The following GAB1 variants were observed in gnomAD, a reference collection of about 807,000 sequenced individuals.
The protein encoded by GAB1 is GRB2 associated binding protein 1, also known as GRB2-associated-binding protein 1.
A neutral mutation model predicts 66.5 loss-of-function variants in GAB1; 19 were observed. The observed-to-expected ratio is 0.29, with a 90% CI of 0.20 to 0.42. The LOEUF is 0.42. Ranked by LOEUF, GAB1 falls within the 10% of genes least tolerant of loss-of-function variation. The probability of loss-of-function intolerance (pLI) is 1.00; values close to 1 mark genes in which losing one functional copy is unlikely to be tolerated. For synonymous variants in GAB1, 294 were observed against 301.4 expected, an observed-to-expected ratio of 0.98 and a Z score of 0.25; for missense variants, 732 against 858.5, an observed-to-expected ratio of 0.85 and a Z score of 1.84.
At chr4:143,349,385 C>T in intron 1 of GAB1, 3 of 1,041,062 alleles carry the variant, frequency 2.9e-6, no homozygotes, top group Non-Finnish European at 4.5e-6. Context: ...AATACAGTCT[C>T]TTTCCAGAGG....
At chr4:143,354,023 G>C (rs370540717) in intron 1 of GAB1, among the ~76,000 whole-genome samples, 2 of 152,172 alleles carry the variant, frequency 1.3e-5, no homozygotes, top group East Asian at 1.9e-4. Context: ...AGTAAGTTTA[G>C]TTAGTAGATC....
rs1007770198 is a variant in GAB1 at position 143,392,701 on chromosome 4, A to G, written c.73-22776A>G. Reference sequence around the variant, plus strand: ...TAGTTTCTGACATTGAAGATAATGAATATTTTGATAATGCAACAACGAATT... The same window carrying G: ...TAGTTTCTGACATTGAAGATAATGAGTATTTTGATAATGCAACAACGAATT... On this transcript the variant is annotated intron_variant, in intron 1 of 9. Coordinates refer to ENST00000262994, the MANE Select transcript of GAB1 (RefSeq NM_002039.4). 5.3e-5 allele frequency among the ~76,000 whole-genome samples: 8 copies of G among 152,270 alleles called. No homozygotes were observed. The East Asian group carries it at 7.7e-4, about 15-fold the overall frequency.
At chr4:143,380,272 T>G (rs572160532) in intron 1 of GAB1, among the ~76,000 whole-genome samples, 37 of 152,224 alleles carry the variant, frequency 2.4e-4, no homozygotes, top group Non-Finnish European at 4.4e-4. Context: ...ATTTTGAATC[T>G]CTAGTGCTCT....
At chr4:143,424,097 A>T (rs975001612) in intron 2 of GAB1, among the ~76,000 whole-genome samples, 6 of 152,028 alleles carry the variant, frequency 3.9e-5, no homozygotes, top group African/African-American at 7.2e-5. Flanking sequence ...CATGAAGTTT[A>T]AAAAAAGTGT....
chr4:143,373,868 A>ATATATATATATATATATATATATATATAT lies in GAB1; in HGVS notation c.72+36608_72+36609insTATATATATATATATATATATATATATAT, dbSNP rs1560725949. On this transcript the variant is annotated intron_variant, in intron 1 of 9. Transcript: ENST00000262994. Reference sequence around the variant, plus strand: ...CTCTCTCTCTCTCTGTAAATAAATAAATATATATATATATATATTTTTACC... The same window carrying ATATATATATATATATATATATATATATAT: ...CTCTCTCTCTCTCTGTAAATAAATAATATATATATATATATATATATATATATATATATATATATATATATATTTTTACC... Among the ~76,000 whole-genome samples the ATATATATATATATATATATATATATATAT allele has an allele frequency of 2.8e-3, 258 of 93,550 alleles. 22 individuals are homozygous for ATATATATATATATATATATATATATATAT. The highest frequency in any genetic ancestry group is 5.3e-3 in the South Asian group (12 of 2,244). 61.4% of individuals were successfully genotyped at this position (93,550 alleles called of 152,430 possible).
At chr4:143,395,611 A>G in intron 1 of GAB1, 1 of 262,180 alleles carries the variant, frequency 3.8e-6, no homozygotes, top group Non-Finnish European at 7.5e-6. Context: ...CTGGAAATTA[A>G]AGACCTTTAG....
At position 143,472,933 on chromosome 4, in the gene GAB1, A is replaced by G. The variant is rs189663765; in HGVS notation, c.*3744A>G. 45 of 152,346 alleles carry G rather than the reference A, an allele frequency of 3.0e-4. No homozygotes were observed. The highest frequency in any genetic ancestry group is 1.1e-3 in the African/African-American group (45 of 41,582). The allele number at this position is 152,346 out of a possible 1,614,324, so 9.4% of individuals were successfully genotyped here. On this transcript the variant is annotated 3_prime_UTR_variant, in exon 10 of 10. Transcript: ENST00000262994. ...GGTATAAATGAATATTGTGGACATC[A>G]TGGACTTGATATGATAGAAATCAAT...
Position 143,407,476 on chromosome 4 carries a change from T to G in GAB1, c.73-8001T>G, listed in dbSNP as rs191533555. Among the ~76,000 whole-genome samples, 585 of 152,344 alleles carry G rather than the reference T, an allele frequency of 3.8e-3. 6 individuals carry two copies. Among genetic ancestry groups the G allele is most frequent in the Middle Eastern group, 0.024 (7 of 294 alleles). On this transcript the variant is annotated intron_variant, in intron 1 of 9. Transcript: ENST00000262994. ...ATTGTTTTATTTCCAACTAATTTGT[T>G]GTATCCAGGCAATGTACGTAAACTC...
chr4:143,370,596 C>A (rs922137128), intron 1 of GAB1, among the ~76,000 whole-genome samples: 1 of 152,170 alleles, frequency 6.6e-6, no homozygotes, highest in African/African-American at 2.4e-5. Flanking sequence ...ATGTGCACAA[C>A]GTGCAAGTTT....
intron 1 of GAB1, among the ~76,000 whole-genome samples, chr4:143,382,309 A>G (rs185935542): frequency 6.6e-6 from 1 of 152,362 alleles, no homozygotes; most frequent in African/African-American, 2.4e-5. Context: ...GATATATTCT[A>G]AAACATTTAG....
At chr4:143,426,186 A>G (rs1733346495) in intron 2 of GAB1, among the ~76,000 whole-genome samples, 1 of 152,162 alleles carries the variant, frequency 6.6e-6, no homozygotes, top group Non-Finnish European at 1.5e-5. Flanking sequence ...AGGAGTGCTC[A>G]GAGTTTTTGA....
At chr4:143,359,291 T>C (rs1430470280) in intron 1 of GAB1, among the ~76,000 whole-genome samples, 1 of 152,216 alleles carries the variant, frequency 6.6e-6, no homozygotes, top group East Asian at 1.9e-4. Flanking sequence ...GATCTGATAC[T>C]GAAAATGTTT....
chr4:143,361,915 G>C (rs115536265), intron 1 of GAB1, among the ~76,000 whole-genome samples: 3,143 of 150,260 alleles, frequency 0.021, 104 homozygotes, highest in African/African-American at 0.073. Flanking sequence ...GTTGTGTGTG[G>C]TTTTTTTTTG....
Position 143,390,926 on chromosome 4 carries a change from G to T in GAB1, c.73-24551G>T, listed in dbSNP as rs149409075. Among the ~76,000 whole-genome samples the T allele has an allele frequency of 7.0e-4, 107 of 152,244 alleles. No homozygotes were observed. In the East Asian group the frequency reaches 0.016, roughly 23 times the overall value. ...AGGAAGAAGTGTGGAGGCAGCATGC[G>T]CAATGTCTTCATGCTCAGTCCTAGA... On this transcript the variant is annotated intron_variant, in intron 1 of 9. Transcript: ENST00000262994.
At chr4:143,424,861 A>G (rs1733241768) in intron 2 of GAB1, 1 of 432,852 alleles carries the variant, frequency 2.3e-6, no homozygotes, top group Non-Finnish European at 4.2e-6. Context: ...AGGCTGAGGC[A>G]GGAGAATCAC....
chr4:143,389,011 A>G (rs890895283), intron 1 of GAB1, among the ~76,000 whole-genome samples: 7 of 152,186 alleles, frequency 4.6e-5, no homozygotes, highest in African/African-American at 1.7e-4. Context: ...CACTCTGCAG[A>G]GAAGGATTGG....
chr4:143,382,953 T>G (rs570451097), intron 1 of GAB1, among the ~76,000 whole-genome samples: 1 of 152,336 alleles, frequency 6.6e-6, no homozygotes, highest in South Asian at 2.1e-4. Context: ...AACTGATTTC[T>G]AGTTGACTTT....
At chr4:143,394,250 C>G (rs1285313181) in intron 1 of GAB1, among the ~76,000 whole-genome samples, 1 of 151,928 alleles carries the variant, frequency 6.6e-6, no homozygotes, top group Non-Finnish European at 1.5e-5. Flanking sequence ...CTCCATCCAG[C>G]CTGGGGGACA....
rs956542900 is a variant in GAB1, at chr4:143,471,946, G to A, written c.*2757G>A. ...GAAGCTAGACTTTGGCCAGGAATGG[G>A]CTAAAAACCACTGGTTAACGATGTG... On this transcript the variant is annotated 3_prime_UTR_variant, in exon 10 of 10. Coordinates refer to ENST00000262994, the MANE Select transcript of GAB1 (RefSeq NM_002039.4). 5.3e-5 allele frequency: 8 copies of A among 152,136 alleles called. No homozygotes were observed. Among genetic ancestry groups the A allele is most frequent in the African/African-American group, 1.4e-4 (6 of 41,442 alleles). 9.4% of individuals were successfully genotyped at this position (152,136 alleles called of 1,614,324 possible). A position where few individuals can be genotyped will look rare whatever the true frequency, so the allele number is the denominator to read the frequency against.
Sources: gnomAD v4.1 joint callset for allele counts (sites outside exome capture counted in the v4.1 genomes callset) on GRCh38, gnomAD v4.1.1 for gene constraint, MANE v1.5 for transcripts, NCBI Gene and HGNC (gene_info 2026-07-23, HGNC 2026-07-21) for gene names.